Variants in RPS6KC1 observed in about 807,000 individuals in gnomAD.
RPS6KC1 encodes ribosomal protein S6 kinase C1.
RPS6KC1 carries 54 observed loss-of-function variants against 103.8 expected under a neutral mutation model. That is an observed-to-expected ratio of 0.52 (90% CI 0.42 to 0.65). The LOEUF (loss-of-function observed/expected upper bound fraction) is 0.65, where lower values mean the gene tolerates loss of function less well. RPS6KC1 is among the 30% of genes least tolerant of loss of function. RPS6KC1 has a pLI of 0.00. For synonymous variants in RPS6KC1, 439 were observed against 438.7 expected, an observed-to-expected ratio of 1.00 and a Z score of -0.01; for missense variants, 1,151 against 1,253.8, an observed-to-expected ratio of 0.92 and a Z score of 1.24.
At chr1:213,301,498 A>G in the RPS6KC1 span, among the ~76,000 whole-genome samples, 8 of 152,214 alleles carry the variant, frequency 5.3e-5, no homozygotes, top group East Asian at 1.5e-3. Flanking sequence ...GAAAAGGCAT[A>G]TAGTCCAGTG....
chr1:213,497,453 A>G, the RPS6KC1 span, among the ~76,000 whole-genome samples: 6 of 152,168 alleles, frequency 3.9e-5, no homozygotes, highest in Admixed American at 6.5e-5. Flanking sequence ...AATTAAGAAA[A>G]TAACAACACA....
At chr1:213,439,233 C>A in the RPS6KC1 span, among the ~76,000 whole-genome samples, 1 of 152,118 alleles carries the variant, frequency 6.6e-6, no homozygotes, top group Non-Finnish European at 1.5e-5. Flanking sequence ...ACAGGAAAAA[C>A]CAGCACAGAA....
At chr1:213,107,559 G>A (rs948707361) in intron 4 of RPS6KC1, among the ~76,000 whole-genome samples, 3 of 152,140 alleles carry the variant, frequency 2.0e-5, no homozygotes, top group Admixed American at 1.3e-4. Context: ...ATAAATTGAT[G>A]GACATGTTTG....
chr1:213,540,458 C>G, the RPS6KC1 span, among the ~76,000 whole-genome samples: 2 of 152,190 alleles, frequency 1.3e-5, no homozygotes, highest in African/African-American at 4.8e-5. Flanking sequence ...ATCTTCCCAT[C>G]TCAGCCTCCC....
the RPS6KC1 span, among the ~76,000 whole-genome samples, chr1:213,423,239 C>T: frequency 6.6e-6 from 1 of 152,308 alleles, no homozygotes; most frequent in South Asian, 2.1e-4. Flanking sequence ...GCCCTGGATG[C>T]TGGGAGGCTG....
At chr1:213,520,089 T>C in the RPS6KC1 span, among the ~76,000 whole-genome samples, 1 of 152,212 alleles carries the variant, frequency 6.6e-6, no homozygotes, top group Non-Finnish European at 1.5e-5. Context: ...GTCTAAACTC[T>C]GTTCTATTCC....
intron 8 of RPS6KC1, among the ~76,000 whole-genome samples, chr1:213,190,759 T>G (rs1316274668): frequency 6.6e-6 from 1 of 152,222 alleles, no homozygotes; most frequent in Non-Finnish European, 1.5e-5. Flanking sequence ...CGCCAGTGTT[T>G]TCTTTTAGTT....
the RPS6KC1 span, among the ~76,000 whole-genome samples, chr1:213,454,746 T>C: frequency 2.6e-5 from 4 of 152,220 alleles, no homozygotes; most frequent in African/African-American, 9.6e-5. Context: ...AATAACTCAG[T>C]GTCCAAATTC....
At chr1:213,376,779 A>G in the RPS6KC1 span, among the ~76,000 whole-genome samples, 1 of 152,212 alleles carries the variant, frequency 6.6e-6, no homozygotes, top group Non-Finnish European at 1.5e-5. Flanking sequence ...AGTGAACCAT[A>G]CAAGTAAACC....
the RPS6KC1 span, among the ~76,000 whole-genome samples, chr1:213,337,119 G>A: frequency 3.3e-5 from 5 of 152,284 alleles, no homozygotes; most frequent in South Asian, 8.3e-4. Context: ...AATTTAATTT[G>A]TGTTCCTTTT....
the RPS6KC1 span, among the ~76,000 whole-genome samples, chr1:213,621,390 T>A: frequency 8.4e-6 from 1 of 119,416 alleles, no homozygotes; most frequent in Non-Finnish European, 1.6e-5. Flanking sequence ...CAGGTATATA[T>A]AAGGGCAGGG....
At chr1:213,429,117 T>C in the RPS6KC1 span, 1 of 152,244 alleles carries the variant, frequency 6.6e-6, no homozygotes, top group Non-Finnish European at 1.5e-5. Context: ...GGGAGTTTAT[T>C]TTCAAAGACC....
intron 14 of RPS6KC1, among the ~76,000 whole-genome samples, chr1:213,265,360 C>A (rs1308715163): frequency 6.6e-6 from 1 of 152,006 alleles, no homozygotes; most frequent in Admixed American, 6.5e-5. Context: ...AAAATATGAA[C>A]CTTTAGAATT....
chr1:213,379,474 T>C, the RPS6KC1 span, among the ~76,000 whole-genome samples: 131,674 of 152,180 alleles, frequency 0.87, 57,046 homozygotes, highest in East Asian at 0.99. Flanking sequence ...ACCAGAAGCT[T>C]GGGGAGAGGC....
chr1:213,766,600 T>C, the RPS6KC1 span, among the ~76,000 whole-genome samples: 1 of 152,246 alleles, frequency 6.6e-6, no homozygotes. Context: ...GGTGGGCAGA[T>C]GTACGTTTTC....
At chr1:213,152,438 C>T (rs1194958824) in intron 6 of RPS6KC1, among the ~76,000 whole-genome samples, 2 of 150,480 alleles carry the variant, frequency 1.3e-5, no homozygotes, top group Admixed American at 1.3e-4. Context: ...TCCTCACTTC[C>T]CAGACGGGGC....
intron 6 of RPS6KC1, among the ~76,000 whole-genome samples, chr1:213,150,521 G>C (rs375264369): frequency 6.7e-6 from 1 of 150,196 alleles, no homozygotes; most frequent in Non-Finnish European, 1.5e-5. Context: ...GACTCTTAAC[G>C]AGCACGCTGC....
At chr1:213,138,095 T>G (rs2086592475) in intron 6 of RPS6KC1, among the ~76,000 whole-genome samples, 1 of 152,092 alleles carries the variant, frequency 6.6e-6, no homozygotes, top group African/African-American at 2.4e-5. Flanking sequence ...TGTTGTCCTC[T>G]AGGCCCAAGA....
chr1:213,832,538 A>T, the RPS6KC1 span: 6 of 152,074 alleles, frequency 3.9e-5, no homozygotes, highest in African/African-American at 1.4e-4. Context: ...CATGTTGTCC[A>T]TTTTCCCGAG....
Sources: gnomAD v4.1 joint callset for allele counts (sites outside exome capture counted in the v4.1 genomes callset) on GRCh38, gnomAD v4.1.1 for gene constraint, MANE v1.5 for transcripts, NCBI Gene and HGNC (gene_info 2026-07-23, HGNC 2026-07-21) for gene names.